The following MYEF2 variants were observed in gnomAD, a reference collection of about 807,000 sequenced individuals.
MYEF2 encodes the protein myelin gene expression factor 2.
Under a neutral mutation model 75.2 loss-of-function variants are expected in MYEF2, and 37 were observed. That is an observed-to-expected ratio of 0.49 (90% CI 0.38 to 0.65). The LOEUF (loss-of-function observed/expected upper bound fraction) is 0.65. MYEF2 is among the 30% of genes least tolerant of loss of function. The pLI is 0.00. For missense variants in MYEF2, 634 were observed against 771.4 expected, an observed-to-expected ratio of 0.82 and a Z score of 2.11; for synonymous variants, 195 against 241.6, an observed-to-expected ratio of 0.81 and a Z score of 1.79.
chr15:48,150,063 A>G (rs1441077039), intron 14 of MYEF2: 5 of 152,084 alleles, frequency 3.3e-5, no homozygotes, highest in African/African-American at 4.8e-5. Flanking sequence ...TACCTACTTC[A>G]TTCTTATGCA....
At position 48,156,509 on chromosome 15, in the gene MYEF2, CA is replaced by C. The variant is rs554884073; in HGVS notation, c.985+1483del. 5.2e-3 allele frequency among the ~76,000 whole-genome samples: 739 copies of C among 142,904 alleles called. 2 individuals are homozygous for C. The highest frequency in any genetic ancestry group is 6.3e-3 in the Non-Finnish European group (410 of 64,942). The allele number at this position is 142,904 out of a possible 152,430, so 93.8% of individuals were successfully genotyped here. ...AAAATAGAAATTACAAAAATTGACT[CA>C]AAAAAAAAAGACAGAAAATATAAAC... is the stretch of plus-strand genomic sequence containing the variant. On this transcript the variant is annotated intron_variant, in intron 9 of 16. Coordinates refer to ENST00000324324, the MANE Select transcript of MYEF2 (RefSeq NM_016132.5).
intron 1 of MYEF2, among the ~76,000 whole-genome samples, chr15:48,172,860 G>C (rs1285458507): frequency 3.3e-5 from 5 of 152,122 alleles, no homozygotes; most frequent in Non-Finnish European, 7.4e-5. Context: ...AAGGGAGATG[G>C]AGTCAGTAAT....
At chr15:48,169,968 T>C (rs899199321) in intron 1 of MYEF2, 3 of 152,172 alleles carry the variant, frequency 2.0e-5, no homozygotes, top group African/African-American at 7.2e-5. Context: ...TGCAACTCTA[T>C]GATGTCATAT....
chr15:48,174,947 A>G (rs1353802754), intron 1 of MYEF2, among the ~76,000 whole-genome samples: 1 of 152,188 alleles, frequency 6.6e-6, no homozygotes, highest in African/African-American at 2.4e-5. Flanking sequence ...TATATATCCA[A>G]TGAAAATGAA....
At chr15:48,159,508 T>A in intron 6 of MYEF2, 105 bp downstream of exon 6, 2 of 975,472 alleles carry the variant, frequency 2.1e-6, no homozygotes, top group Non-Finnish European at 3.1e-6. Context: ...TTTCACTTAC[T>A]TTAGTTAAAA....
intron 12 of MYEF2, 131 bp from the exon 13 acceptor site, chr15:48,151,702 T>C: frequency 8.6e-7 from 1 of 1,158,052 alleles, no homozygotes. Flanking sequence ...TTACCCAATT[T>C]ACCTCACATG....
At chr15:48,159,865 A>G in intron 5 of MYEF2, 61 bp from the exon 6 acceptor site, 2 of 1,493,520 alleles carry the variant, frequency 1.3e-6, no homozygotes, top group South Asian at 2.5e-5. Flanking sequence ...CAAAATTAAA[A>G]TAACAATTTA....
rs2039060911 is a variant in MYEF2, at chr15:48,140,993, G to A, written c.*1915C>T. Reference sequence around the variant, plus strand: ...AAAAACTAATAAGCAAGCACATATTGGCTCTGAATTCTAAATGTGCCTATT... The same window carrying A: ...AAAAACTAATAAGCAAGCACATATTAGCTCTGAATTCTAAATGTGCCTATT... On this transcript the variant is annotated 3_prime_UTR_variant, in exon 17 of 17. Transcript: ENST00000324324. 1.4e-6 allele frequency: 1 copy of A among 728,674 alleles called. No individual in the cohort carries two copies. The highest frequency in any genetic ancestry group is 1.8e-5 in the African/African-American group (1 of 55,992). 45.1% of individuals were successfully genotyped at this position (728,674 alleles called of 1,614,324 possible). A position where few individuals can be genotyped will look rare whatever the true frequency, so the allele number is the denominator to read the frequency against.
chr15:48,160,767 T>C (rs982415266), intron 5 of MYEF2, among the ~76,000 whole-genome samples: 1 of 152,022 alleles, frequency 6.6e-6, no homozygotes, highest in Non-Finnish European at 1.5e-5. Context: ...CAAGTGATTT[T>C]AATAAATTCT....
chr15:48,151,755 T>C lies in MYEF2; in HGVS notation c.1207+119A>G, dbSNP rs879221413. 8.1e-6 allele frequency: 10 copies of C among 1,239,798 alleles called. No homozygotes were observed. In the South Asian group the frequency reaches 8.8e-5, roughly 11 times the overall value. 76.8% of individuals were successfully genotyped at this position (1,239,798 alleles called of 1,614,324 possible). On this transcript the variant is annotated intron_variant, in intron 12 of 16. Transcript: ENST00000324324. ...ATTCCCCAGGCCTGTCCTTATCCCC[T>C]AGTGCCTATATGCCTTCTGAAGACA...
Position 48,136,038 on chromosome 15 carries a change from G to A in MYEF2, c.*6870C>T, listed in dbSNP as rs1320102929. 1.3e-5 allele frequency: 2 copies of A among 152,162 alleles called. No individual in the cohort carries two copies. Among genetic ancestry groups the A allele is most frequent in the African/African-American group, 2.4e-5 (1 of 41,440 alleles). The allele number at this position is 152,162 out of a possible 1,614,324, so 9.4% of individuals were successfully genotyped here. On this transcript the variant is annotated 3_prime_UTR_variant, in exon 17 of 17. Transcript: ENST00000324324. ...GCAAGGTTCAAATGTGATGGCATTA[G>A]CTAACTGCCAGAGTACAGGGAAACA...
rs1450181194 is a variant in MYEF2, at chr15:48,135,763, G to A, written c.*7145C>T. On this transcript the variant is annotated 3_prime_UTR_variant, in exon 17 of 17. Transcript: ENST00000324324. The stretch of plus-strand genomic sequence containing the variant: ...CTGGAGAACCATAACCTTGCAGCAC[G>A]GCGTAATACCTGCTATCAAGAAACT... The A allele has an allele frequency of 2.0e-5, 3 of 151,890 alleles. No homozygotes were observed. The highest frequency in any genetic ancestry group is 2.4e-5 in the African/African-American group (1 of 41,438). 9.4% of individuals were successfully genotyped at this position (151,890 alleles called of 1,614,324 possible). A position where few individuals can be genotyped will look rare whatever the true frequency, so the allele number is the denominator to read the frequency against.
chr15:48,154,908 AG>A (rs999310273), intron 9 of MYEF2, among the ~76,000 whole-genome samples: 19 of 152,282 alleles, frequency 1.2e-4, no homozygotes, highest in African/African-American at 4.6e-4. Context: ...ATAATTCAGT[AG>A]GAAAGTGACT....
intron 11 of MYEF2, 89 bp downstream of exon 11, chr15:48,152,145 G>T: frequency 7.4e-7 from 1 of 1,349,448 alleles, no homozygotes; most frequent in Non-Finnish European, 1.1e-6. Flanking sequence ...AATAAACCAT[G>T]ACTTTTTTTT....
At chr15:48,159,032 T>C (rs1379530072) in intron 6 of MYEF2, 110 bp from the exon 7 acceptor site, 1 of 882,298 alleles carries the variant, frequency 1.1e-6, no homozygotes, top group East Asian at 2.6e-5. Flanking sequence ...ATAATTCTAG[T>C]TCAACAATAT....
At position 48,158,237 on chromosome 15, in the gene MYEF2, T is replaced by C; in HGVS notation, c.872-13A>G. On this transcript the variant is annotated splice_polypyrimidine_tract_variant and intron_variant, in intron 7 of 16. Transcript: ENST00000324324. ...CCATTGAACATAGCTGTTGGTTCAG[T>C]CAAGGAAAGTCAGTTAAGATAACTA... 1 of 1,611,724 alleles carries C rather than the reference T, an allele frequency of 6.2e-7. No homozygotes were observed. The highest frequency in any genetic ancestry group is 2.2e-5 in the East Asian group (1 of 44,764).
At chr15:48,166,163 G>GA (rs748710847) in intron 3 of MYEF2, 35 bp from the exon 4 acceptor site, 3 of 1,531,492 alleles carry the variant, frequency 2.0e-6, no homozygotes, top group Non-Finnish European at 8.9e-7. Flanking sequence ...ATATGCAAAA[G>GA]AAAAAAAGTT....
chr15:48,153,669 A>C, intron 10 of MYEF2, 123 bp downstream of exon 10: 1 of 732,736 alleles, frequency 1.4e-6, no homozygotes, highest in Non-Finnish European at 2.2e-6. Context: ...GAATGAAGTG[A>C]CACCGTAAAT....
intron 5 of MYEF2, among the ~76,000 whole-genome samples, chr15:48,163,969 T>C (rs1350914178): frequency 6.6e-6 from 1 of 152,166 alleles, no homozygotes; most frequent in East Asian, 1.9e-4. Context: ...AAAGAAGATA[T>C]ACAAGAAGAC....
Sources: gnomAD v4.1 joint callset for allele counts (sites outside exome capture counted in the v4.1 genomes callset) on GRCh38, gnomAD v4.1.1 for gene constraint, MANE v1.5 for transcripts, NCBI Gene and HGNC (gene_info 2026-07-23, HGNC 2026-07-21) for gene names.